Variants in HEATR5A observed in about 807,000 individuals in gnomAD.
HEATR5A encodes the protein HEAT repeat containing 5A.
Under a neutral mutation model 218.8 loss-of-function variants are expected in HEATR5A, and 178 were observed. The ratio of observed to expected loss-of-function variants is 0.81; its 90% CI spans 0.72 to 0.92. HEATR5A has a LOEUF of 0.92. HEATR5A is among the 40% of genes least tolerant of loss of function. The pLI, the probability that HEATR5A is intolerant of heterozygous loss-of-function variation, is 0.00. For missense variants in HEATR5A, 2,420 were observed against 2,418.9 expected (o/e 1.00, Z -0.01); for synonymous variants, 864 against 871.6 (o/e 0.99, Z 0.15).
intron 22 of HEATR5A, among the ~76,000 whole-genome samples, chr14:31,336,233 T>C (rs796135683): frequency 6.5e-5 from 5 of 76,454 alleles, no homozygotes; most frequent in East Asian, 4.6e-4. Context: ...TATATATATA[T>C]ATATATATAT....
Position 31,339,577 on chromosome 14 carries a change from TTTG to T in HEATR5A, c.3229-1966_3229-1964del, listed in dbSNP as rs200357148. 8.1e-3 allele frequency among the ~76,000 whole-genome samples: 1,236 copies of T among 152,182 alleles called. 16 individuals are homozygous for T. The highest frequency in any genetic ancestry group is 0.028 in the African/African-American group (1,147 of 41,530). Reference sequence around the variant, plus strand: ...TGCATATATCATCACTGAGTAGTTTTTTGTTGTTGTTGTTGTTGTTTTTTGAGA... The same window carrying T: ...TGCATATATCATCACTGAGTAGTTTTTTGTTGTTGTTGTTGTTTTTTGAGA... On this transcript the variant is annotated intron_variant, in intron 21 of 35. Transcript: ENST00000543095.
chr14:31,309,441 C>A (rs917838440), intron 28 of HEATR5A, among the ~76,000 whole-genome samples: 1 of 152,072 alleles, frequency 6.6e-6, no homozygotes, highest in Non-Finnish European at 1.5e-5. Context: ...AACAAAATAA[C>A]CTAACAACAT....
chr14:31,396,898 AG>A (rs1393826078), intron 4 of HEATR5A, among the ~76,000 whole-genome samples: 1 of 152,254 alleles, frequency 6.6e-6, no homozygotes, highest in East Asian at 1.9e-4. Flanking sequence ...CTATTAACCA[AG>A]GGGCCTAAAA....
In HEATR5A at chr14:31,321,581, A is replaced by G; in HGVS notation, c.3887T>C (p.Leu1296Pro). 6.2e-7 allele frequency: 1 copy of G among 1,608,916 alleles called. No homozygotes were observed. The highest frequency in any genetic ancestry group is 8.5e-7 in the Non-Finnish European group (1 of 1,177,692). Residue 1296 changes from leucine to proline, a missense_variant, in exon 25 of 36, where the codon CTG (leucine) becomes CCG (proline). Leu to Pro is a moderately conservative substitution (Grantham distance 98). Coordinates refer to ENST00000543095, the MANE Select transcript of HEATR5A (RefSeq NM_015473.4). ...DQLRLSGLEMLLVVIRRFATV... is the reference protein window; with the variant it reads ...DQLRLSGLEMPLVVIRRFATV... Reference sequence around the variant, plus strand: ...TGCAAATCGCCGAATAACAACTAACAGCATTTCAAGGCCAGAAAGACGGAG... The same window carrying G: ...TGCAAATCGCCGAATAACAACTAACGGCATTTCAAGGCCAGAAAGACGGAG...
Position 31,315,906 on chromosome 14 carries a change from T to C in HEATR5A, c.4082A>G (p.Asn1361Ser). Residue 1361 changes from asparagine to serine, a missense_variant, in exon 27 of 36, where the codon AAT (asparagine) becomes AGT (serine). Asn to Ser is a conservative substitution (Grantham distance 46, BLOSUM62 1). Transcript: ENST00000543095. ...CAACTGATGAACTCTTCGGAGATCA[T>C]TAAGGTCACTTACAACTCCACTTGC... ...WIASGVVSDL[N>S]DLRRVHQLLV... is the part of the protein sequence containing the mutation. 6.3e-7 allele frequency: 1 copy of C among 1,577,364 alleles called. No homozygotes were observed. The highest frequency in any genetic ancestry group is 8.6e-7 in the Non-Finnish European group (1 of 1,160,636).
chr14:31,330,396 C>T (rs929378477), intron 22 of HEATR5A, among the ~76,000 whole-genome samples: 4 of 152,136 alleles, frequency 2.6e-5, no homozygotes, highest in Non-Finnish European at 1.5e-5. Context: ...CTGGGTCTGA[C>T]CCATAAAACC....
At position 31,417,229 on chromosome 14, in the gene HEATR5A, G is replaced by T. The variant is rs187340180; in HGVS notation, c.-75+3243C>A. Among the ~76,000 whole-genome samples, 70 of 152,038 alleles carry T rather than the reference G, an allele frequency of 4.6e-4. No homozygotes were observed. The East Asian group carries it at 7.8e-3, about 17-fold the overall frequency. ...ATTAAAACTTAACACAGTTGCTAGA[G>T]AAAATATAAAAACTCTTCCTCTTCC... On this transcript the variant is annotated intron_variant, in intron 1 of 35. Transcript: ENST00000543095.
At chr14:31,330,686 G>T (rs1356952840) in intron 22 of HEATR5A, among the ~76,000 whole-genome samples, 1 of 151,746 alleles carries the variant, frequency 6.6e-6, no homozygotes, top group South Asian at 2.1e-4. Flanking sequence ...AGCTATTCGG[G>T]AGGCTGAGGC....
At chr14:31,302,745 TGA>T (rs1432797158) in intron 32 of HEATR5A, 1 of 489,674 alleles carries the variant, frequency 2.0e-6, no homozygotes, top group Non-Finnish European at 3.6e-6. Context: ...ATAAATTGTG[TGA>T]GTATCATTAT....
intron 26 of HEATR5A, among the ~76,000 whole-genome samples, chr14:31,317,997 GA>G (rs917330262): frequency 2.6e-5 from 4 of 151,826 alleles, no homozygotes; most frequent in South Asian, 2.1e-4. Context: ...AATAGCAAAA[GA>G]AAAAAACCCA....
At chr14:31,369,730 C>CCT (rs1901959729) in intron 13 of HEATR5A, among the ~76,000 whole-genome samples, 1 of 150,432 alleles carries the variant, frequency 6.6e-6, no homozygotes, top group Non-Finnish European at 1.5e-5. Context: ...GAGTTTGAGA[C>CCT]CAGCCTGGTC....
At chr14:31,402,249 G>GA (rs1419804443) in intron 2 of HEATR5A, among the ~76,000 whole-genome samples, 1 of 152,112 alleles carries the variant, frequency 6.6e-6, no homozygotes, top group African/African-American at 2.4e-5. Context: ...GTGATTATGT[G>GA]AAAAAATGTT....
intron 1 of HEATR5A, among the ~76,000 whole-genome samples, chr14:31,405,876 G>A (rs2139313381): frequency 6.6e-6 from 1 of 152,286 alleles, no homozygotes; most frequent in Middle Eastern, 3.4e-3. Flanking sequence ...ACAATGTGAT[G>A]ATAAATTATT....
chr14:31,378,856 T>C (rs1166040233), intron 11 of HEATR5A, among the ~76,000 whole-genome samples: 1 of 152,036 alleles, frequency 6.6e-6, no homozygotes, highest in Non-Finnish European at 1.5e-5. Context: ...TTTATTCTAA[T>C]TTAAGCTCCT....
chr14:31,349,632 C>A (rs1170955715), intron 18 of HEATR5A, among the ~76,000 whole-genome samples, 157 bp downstream of exon 18: 4 of 152,246 alleles, frequency 2.6e-5, no homozygotes, highest in African/African-American at 9.6e-5. Context: ...GACCAGCCGG[C>A]CAATTTTTAT....
chr14:31,350,693 CA>C lies in HEATR5A; in HGVS notation c.2435del (p.Leu812TrpfsTer4). ...TQRLLILEQL[L>X]DSIKHTKGAR... Reference sequence around the variant, plus strand: ...CTCCTTTTGTGTGCTTTATACTGTCCAAAAGCTGTTCCAATATAAGAAGCCT... The same window carrying C: ...CTCCTTTTGTGTGCTTTATACTGTCCAAAGCTGTTCCAATATAAGAAGCCT... On this transcript the variant is annotated frameshift_variant, in exon 17 of 36. Transcript: ENST00000543095. LOFTEE classifies it high-confidence loss of function. 6.3e-7 allele frequency: 1 copy of C among 1,590,320 alleles called. No homozygotes were observed.
chr14:31,333,681 G>A (rs1231661586), intron 22 of HEATR5A, among the ~76,000 whole-genome samples: 1 of 152,060 alleles, frequency 6.6e-6, no homozygotes, highest in East Asian at 1.9e-4. Context: ...TAATGCAGCT[G>A]GTGACTTTAA....
rs113725996 is a variant in HEATR5A at position 31,414,169 on chromosome 14, C to A, written c.-75+6303G>T. Among the ~76,000 whole-genome samples the A allele has an allele frequency of 7.8e-3, 1,191 of 152,270 alleles. 14 individuals are homozygous for A. Among genetic ancestry groups the A allele is most frequent in the African/African-American group, 0.027 (1,127 of 41,540 alleles). ...ATTTCATTCTGGACCTTTAGGAATG[C>A]CAGAGGCAGATTTTAAGTTAAGAAG... is the stretch of plus-strand genomic sequence containing the variant. On this transcript the variant is annotated intron_variant, in intron 1 of 35. Coordinates refer to ENST00000543095, the MANE Select transcript of HEATR5A (RefSeq NM_015473.4).
At position 31,305,048 on chromosome 14, in the gene HEATR5A, TGTCTAAC is replaced by T; in HGVS notation, c.5089_5095del (p.Val1697SerfsTer5). 1 of 1,613,998 alleles carries T rather than the reference TGTCTAAC, an allele frequency of 6.2e-7. No homozygotes were observed. Among genetic ancestry groups the T allele is most frequent in the Non-Finnish European group, 8.5e-7 (1 of 1,179,888 alleles). ...CAATTTAGGGTTTAATTCTGGGAGC[TGTCTAAC>T]TAGAATGCATACACACAATTCCAGT... is the stretch of plus-strand genomic sequence containing the variant. On this transcript the variant is annotated frameshift_variant, in exon 32 of 36. Coordinates refer to ENST00000543095, the MANE Select transcript of HEATR5A (RefSeq NM_015473.4). LOFTEE classifies it high-confidence loss of function.
Sources: allele counts gnomAD v4.1 joint callset (sites outside exome capture counted in the v4.1 genomes callset), GRCh38; gene constraint gnomAD v4.1.1; transcripts MANE v1.5; gene names NCBI Gene and HGNC (gene_info 2026-07-23, HGNC 2026-07-21).